ZNF385D: variants seen among roughly 807,000 people sequenced by gnomAD.
ZNF385D encodes zinc finger protein 385D.
Under a neutral mutation model 35.8 loss-of-function variants are expected in ZNF385D, and 15 were observed. The ratio of observed to expected loss-of-function variants is 0.42; its 90% CI spans 0.28 to 0.64. ZNF385D has a LOEUF of 0.64. Among genes scored for constraint, ZNF385D ranks in the 30% least tolerant of loss-of-function variants. The pLI is 0.23. For missense variants in ZNF385D, 474 were observed against 494.6 expected, an observed-to-expected ratio of 0.96 and a Z score of 0.39; for synonymous variants, 212 against 186.8, an observed-to-expected ratio of 1.13 and a Z score of -1.10.
chr3:22,024,539 A>G (rs1576173353), intron 3 of ZNF385D, among the ~76,000 whole-genome samples: 1 of 152,098 alleles, frequency 6.6e-6, no homozygotes, highest in South Asian at 2.1e-4. Context: ...TATAATAGTT[A>G]TAATATTAAT....
intron 2 of ZNF385D, among the ~76,000 whole-genome samples, chr3:22,331,626 T>G (rs981418849): frequency 6.6e-6 from 1 of 152,156 alleles, no homozygotes; most frequent in Non-Finnish European, 1.5e-5. Flanking sequence ...AATTCAAAAC[T>G]TTGGTACAAG....
At chr3:21,735,951 T>C (rs1372443947) in intron 1 of ZNF385D, among the ~76,000 whole-genome samples, 1 of 152,192 alleles carries the variant, frequency 6.6e-6, no homozygotes, top group African/African-American at 2.4e-5. Context: ...ACTACCAAGA[T>C]TCCACAGAAG....
rs115112275 is a variant in ZNF385D at position 22,075,404 on chromosome 3, C to T, written c.325+93413G>A. ...AATCTGATTCCTATTCTCAACACTCCATTGAAAATGCTCCTGCAAAAGTTG... is the reference window on the plus strand; with the variant it reads ...AATCTGATTCCTATTCTCAACACTCTATTGAAAATGCTCCTGCAAAAGTTG... On this transcript the variant is annotated intron_variant, in intron 3 of 5. Transcript: ENST00000494108. Among the ~76,000 whole-genome samples the T allele has an allele frequency of 4.2e-3, 632 of 151,962 alleles. 3 individuals carry two copies. The highest frequency in any genetic ancestry group is 0.015 in the African/African-American group (610 of 41,506).
intron 2 of ZNF385D, among the ~76,000 whole-genome samples, chr3:22,195,081 T>A (rs1696319455): frequency 6.6e-6 from 1 of 151,972 alleles, no homozygotes; most frequent in South Asian, 2.1e-4. Context: ...TTTGAATTTC[T>A]ACCAGCAATT....
At chr3:21,598,902 T>C (rs1479268620) in intron 2 of ZNF385D, among the ~76,000 whole-genome samples, 1 of 152,152 alleles carries the variant, frequency 6.6e-6, no homozygotes, top group Non-Finnish European at 1.5e-5. Flanking sequence ...AAATGTTACA[T>C]TGGGATCATC....
At chr3:22,315,107 C>T (rs537976493) in intron 2 of ZNF385D, among the ~76,000 whole-genome samples, 59 of 151,866 alleles carry the variant, frequency 3.9e-4, no homozygotes, top group Middle Eastern at 3.4e-3. Context: ...AAATAGAGAA[C>T]GTAAAATCAG....
At chr3:21,934,802 G>C (rs1701182681) in intron 3 of ZNF385D, among the ~76,000 whole-genome samples, 1 of 152,152 alleles carries the variant, frequency 6.6e-6, no homozygotes, top group African/African-American at 2.4e-5. Context: ...AGATGAGCTT[G>C]TTTTGCCAGC....
chr3:22,244,316 C>G (rs1699649896), intron 2 of ZNF385D, among the ~76,000 whole-genome samples: 1 of 136,040 alleles, frequency 7.4e-6, no homozygotes, highest in South Asian at 2.6e-4. Context: ...GATAAACTCT[C>G]TCGCTCTTAC....
chr3:22,123,960 CTCTATA>C (rs1456178401), intron 3 of ZNF385D, among the ~76,000 whole-genome samples: 971 of 72,702 alleles, frequency 0.013, 4 homozygotes, highest in South Asian at 0.018. Flanking sequence ...CTCTCTCTCT[CTCTATA>C]TATATATATA....
At chr3:21,811,156 C>T (rs891778493) in intron 3 of ZNF385D, among the ~76,000 whole-genome samples, 56 of 151,930 alleles carry the variant, frequency 3.7e-4, no homozygotes, top group Non-Finnish European at 7.1e-4. Context: ...TGAAAATATC[C>T]GTATAAACTC....
chr3:21,917,315 C>T (rs906373174), intron 3 of ZNF385D, among the ~76,000 whole-genome samples: 4 of 152,014 alleles, frequency 2.6e-5, no homozygotes, highest in East Asian at 1.9e-4. Context: ...TCCTGTAATC[C>T]CAGCTACTCA....
chr3:22,126,069 T>G (rs55915965), intron 3 of ZNF385D, among the ~76,000 whole-genome samples: 24,924 of 152,024 alleles, frequency 0.16, 2,508 homozygotes, highest in East Asian at 0.38. Context: ...TGCCTTTATT[T>G]TGTTGAGGTA....
At chr3:22,137,693 A>T (rs1391382412) in intron 3 of ZNF385D, among the ~76,000 whole-genome samples, 2 of 152,190 alleles carry the variant, frequency 1.3e-5, no homozygotes, top group East Asian at 3.9e-4. Flanking sequence ...GCTATCTATG[A>T]CAAACCCACG....
intron 2 of ZNF385D, among the ~76,000 whole-genome samples, chr3:22,284,189 GTTTGTT>G (rs77540688): frequency 0.033 from 4,902 of 150,552 alleles, 96 homozygotes; most frequent in East Asian, 0.058. Flanking sequence ...TTGTTTGTTT[GTTTGTT>G]TTTGTTTTTG....
At chr3:22,279,529 TGTAC>T (rs1701615237) in intron 2 of ZNF385D, among the ~76,000 whole-genome samples, 1 of 143,874 alleles carries the variant, frequency 7.0e-6, no homozygotes, top group African/African-American at 2.6e-5. Context: ...CATATACATA[TGTAC>T]ATATATATGT....
At chr3:21,989,971 C>T (rs906095217) in intron 3 of ZNF385D, among the ~76,000 whole-genome samples, 1 of 152,166 alleles carries the variant, frequency 6.6e-6, no homozygotes, top group African/African-American at 2.4e-5. Context: ...AGCACCCAAA[C>T]ACAACAATTT....
chr3:21,714,854 T>C lies in ZNF385D; in HGVS notation c.22+36041A>G, dbSNP rs2068249936. On this transcript the variant is annotated intron_variant, in intron 1 of 7. Transcript: ENST00000281523. The stretch of plus-strand genomic sequence containing the variant: ...TTTCATTGTGTATGTTTATGATATA[T>C]AGCATGATATTATAAGACACACATG... Among the ~76,000 whole-genome samples the C allele has an allele frequency of 3.3e-5, 5 of 152,194 alleles. No individual in the cohort carries two copies. The South Asian group carries it at 1.0e-3, about 32-fold the overall frequency.
At chr3:21,686,694 G>T (rs74714197) in intron 1 of ZNF385D, among the ~76,000 whole-genome samples, 3,593 of 152,284 alleles carry the variant, frequency 0.024, 139 homozygotes, top group African/African-American at 0.082. Context: ...TAAGTGTGCA[G>T]TCGCCACATG....
chr3:21,882,592 G>A (rs1479854735), intron 3 of ZNF385D, among the ~76,000 whole-genome samples: 1 of 151,908 alleles, frequency 6.6e-6, no homozygotes, highest in Non-Finnish European at 1.5e-5. Context: ...ACTCTGAGTC[G>A]TGCCTGTACA....
Sources: gnomAD v4.1 joint callset for allele counts (sites outside exome capture counted in the v4.1 genomes callset) on GRCh38, gnomAD v4.1.1 for gene constraint, MANE v1.5 for transcripts, NCBI Gene and HGNC (gene_info 2026-07-23, HGNC 2026-07-21) for gene names.